SYN3: variants seen among roughly 807,000 people sequenced by gnomAD.
SYN3 encodes synapsin-3.
In SYN3, 35 loss-of-function variants were observed where a neutral mutation model predicts 65.8. That is an observed-to-expected ratio of 0.53 (90% CI 0.41 to 0.70). SYN3 has a LOEUF of 0.70. SYN3 is among the 30% of genes least tolerant of loss of function. SYN3 has a pLI of 0.00. For synonymous variants in SYN3, 270 were observed against 292.9 expected (o/e 0.92, Z 0.80); for missense variants, 680 against 749.0 (o/e 0.91, Z 1.08).
chr22:33,013,712 C>T (rs2053403953), intron 1 of SYN3, among the ~76,000 whole-genome samples: 1 of 152,102 alleles, frequency 6.6e-6, no homozygotes, highest in Non-Finnish European at 1.5e-5. Context: ...ACCGACATGT[C>T]CGCTTTCCCC....
chr22:32,700,584 A>G (rs1420447773), intron 6 of SYN3, among the ~76,000 whole-genome samples: 1 of 152,240 alleles, frequency 6.6e-6, no homozygotes, highest in Admixed American at 6.5e-5. Context: ...TGTCCCTTTC[A>G]TAAACACTCA....
intron 6 of SYN3, among the ~76,000 whole-genome samples, chr22:32,651,433 G>C (rs990880042): frequency 2.0e-5 from 3 of 152,092 alleles, no homozygotes; most frequent in Non-Finnish European, 2.9e-5. Context: ...TGTTATTTTC[G>C]ATGGTGTGGC....
intron 4 of SYN3, among the ~76,000 whole-genome samples, chr22:32,907,369 C>G (rs546201723): frequency 4.6e-5 from 7 of 152,304 alleles, no homozygotes; most frequent in Admixed American, 1.3e-4. Flanking sequence ...AGCTTGACCT[C>G]TAAACCCCTA....
chr22:32,638,797 G>C (rs1238115280), intron 6 of SYN3, among the ~76,000 whole-genome samples: 4 of 152,070 alleles, frequency 2.6e-5, no homozygotes, highest in Non-Finnish European at 4.4e-5. Flanking sequence ...TTATTTAGCT[G>C]TGCAGAAGTT....
chr22:32,964,976 G>A (rs1156483333), intron 3 of SYN3, among the ~76,000 whole-genome samples: 1 of 152,112 alleles, frequency 6.6e-6, no homozygotes, highest in African/African-American at 2.4e-5. Flanking sequence ...ACTGCACCTC[G>A]ATCAGTCCCC....
intron 6 of SYN3, among the ~76,000 whole-genome samples, chr22:32,786,340 T>C (rs2046193147): frequency 6.6e-6 from 1 of 152,106 alleles, no homozygotes; most frequent in Admixed American, 6.5e-5. Context: ...GAAGTACATA[T>C]TGAAATATTC....
intron 1 of SYN3, among the ~76,000 whole-genome samples, chr22:33,028,670 G>GTGGTGGTGGTGGTGGTGGTGGTGGTGA (rs1569413429): frequency 0.031 from 3,588 of 116,920 alleles, 64 homozygotes; most frequent in East Asian, 0.05. Context: ...GGTGGTGGTG[G>GTGGTGGTGGTGGTGGTGGTGGTGGTGA]TGGTGGTGGT....
At chr22:32,970,278 G>A (rs1255610716) in intron 3 of SYN3, among the ~76,000 whole-genome samples, 2 of 152,108 alleles carry the variant, frequency 1.3e-5, no homozygotes, top group East Asian at 1.9e-4. Context: ...AGGAAGTGGT[G>A]GGGCCGGGAT....
intron 6 of SYN3, among the ~76,000 whole-genome samples, chr22:32,747,120 A>C (rs1250761245): frequency 6.6e-6 from 1 of 152,090 alleles, no homozygotes; most frequent in Non-Finnish European, 1.5e-5. Context: ...TTTCCACAAC[A>C]CCATTTTGTT....
chr22:32,726,985 TTC>T (rs2061203786), intron 6 of SYN3, among the ~76,000 whole-genome samples: 1 of 152,056 alleles, frequency 6.6e-6, no homozygotes, highest in South Asian at 2.1e-4. Context: ...TTTTTTTTTT[TTC>T]CCCAACTGTT....
chr22:32,684,562 C>T (rs2060565962), intron 6 of SYN3, among the ~76,000 whole-genome samples: 1 of 152,226 alleles, frequency 6.6e-6, no homozygotes, highest in South Asian at 2.1e-4. Context: ...ATTGCATTAA[C>T]ACTAACTCTT....
At chr22:32,828,707 C>T (rs1474644956) in intron 6 of SYN3, among the ~76,000 whole-genome samples, 1 of 152,198 alleles carries the variant, frequency 6.6e-6, no homozygotes, top group Non-Finnish European at 1.5e-5. Context: ...GGAGTTCTTA[C>T]CTACCCACTA....
chr22:32,749,296 G>GC (rs58839126), intron 6 of SYN3, among the ~76,000 whole-genome samples: 2,341 of 73,346 alleles, frequency 0.032, 73 homozygotes, highest in African/African-American at 0.093. Flanking sequence ...ACCTCCCAAA[G>GC]CCCCCCCCCC....
At chr22:32,852,774 TGA>T (rs2048257980) in intron 6 of SYN3, among the ~76,000 whole-genome samples, 1 of 152,086 alleles carries the variant, frequency 6.6e-6, no homozygotes, top group South Asian at 2.1e-4. Context: ...GTTAGAATGT[TGA>T]GAGAGCTTAT....
intron 2 of SYN3, among the ~76,000 whole-genome samples, chr22:32,992,180 T>C (rs1190031320): frequency 6.6e-6 from 1 of 152,244 alleles, no homozygotes; most frequent in East Asian, 1.9e-4. Flanking sequence ...TGAGAAGTGA[T>C]AGAGAAGACA....
At chr22:32,739,563 T>C (rs1222784967) in intron 6 of SYN3, among the ~76,000 whole-genome samples, 2 of 152,174 alleles carry the variant, frequency 1.3e-5, no homozygotes, top group Non-Finnish European at 2.9e-5. Context: ...ATTACTGATA[T>C]CTACCTGGTC....
At chr22:32,812,384 T>A (rs1386113854) in intron 6 of SYN3, among the ~76,000 whole-genome samples, 2 of 152,180 alleles carry the variant, frequency 1.3e-5, no homozygotes, top group African/African-American at 4.8e-5. Flanking sequence ...GATGACATAT[T>A]TGACCACCAA....
intron 4 of SYN3, among the ~76,000 whole-genome samples, chr22:32,893,205 A>G (rs1009262879): frequency 2.6e-5 from 4 of 152,264 alleles, no homozygotes; most frequent in East Asian, 1.9e-4. Context: ...AGAATAATCA[A>G]TGTTTGCTCT....
chr22:33,028,700 G>GTGGTGGTGGTGGTGA (rs1601930501), intron 1 of SYN3, among the ~76,000 whole-genome samples: 2 of 135,764 alleles, frequency 1.5e-5, no homozygotes, highest in South Asian at 2.3e-4. Context: ...GATGGTGGTG[G>GTGGTGGTGGTGGTGA]TGGTGGTGGT....
Sources: gnomAD v4.1 joint callset for allele counts (sites outside exome capture counted in the v4.1 genomes callset) on GRCh38, gnomAD v4.1.1 for gene constraint, MANE v1.5 for transcripts, NCBI Gene and HGNC (gene_info 2026-07-23, HGNC 2026-07-21) for gene names.